SEPTIN9: variants seen among roughly 807,000 people sequenced by gnomAD.
The protein encoded by SEPTIN9 is septin-9.
SEPTIN9 carries 13 observed loss-of-function variants against 56.6 expected under a neutral mutation model. The ratio of observed to expected loss-of-function variants is 0.23; its 90% CI spans 0.15 to 0.37. The LOEUF (loss-of-function observed/expected upper bound fraction) is 0.37, where lower values mean the gene tolerates loss of function less well. Ranked by LOEUF, SEPTIN9 falls within the 10% of genes least tolerant of loss-of-function variation. SEPTIN9 has a pLI of 1.00. For synonymous variants in SEPTIN9, 332 were observed against 334.1 expected, an observed-to-expected ratio of 0.99 and a Z score of 0.07; for missense variants, 650 against 823.1, an observed-to-expected ratio of 0.79 and a Z score of 2.57.
Position 77,394,223 on chromosome 17 carries a change from G to C in SEPTIN9, c.77-7836G>C, listed in dbSNP as rs184106104. On this transcript the variant is annotated intron_variant, in intron 2 of 11. Transcript: ENST00000427177. ...TACACAGATCAGGGACCTGTGCCAA[G>C]GTCCAGTGTCACAGGAGAGTGAAGA... is the stretch of plus-strand genomic sequence containing the variant. Among the ~76,000 whole-genome samples, 523 of 152,282 alleles carry C rather than the reference G, an allele frequency of 3.4e-3. 5 individuals carry two copies. Among genetic ancestry groups the C allele is most frequent in the Non-Finnish European group, 3.8e-3 (256 of 68,002 alleles).
chr17:77,387,224 G>C (rs1359580735), intron 2 of SEPTIN9, among the ~76,000 whole-genome samples: 1 of 152,226 alleles, frequency 6.6e-6, no homozygotes, highest in African/African-American at 2.4e-5. Flanking sequence ...CTCCGGCCCA[G>C]GCCTCTCTCC....
At chr17:77,457,101 T>C (rs925608265) in intron 3 of SEPTIN9, among the ~76,000 whole-genome samples, 1 of 152,216 alleles carries the variant, frequency 6.6e-6, no homozygotes, top group Non-Finnish European at 1.5e-5. Flanking sequence ...CCCGGGGCTG[T>C]GTGCCTGGGA....
Position 77,402,174 on chromosome 17 carries a change from G to C in SEPTIN9, c.192G>C (p.Gln64His). 6.2e-7 allele frequency: 1 copy of C among 1,613,830 alleles called. No homozygotes were observed. The highest frequency in any genetic ancestry group is 8.5e-7 in the Non-Finnish European group (1 of 1,179,862). Reference protein sequence around the residue: ...ATVASSTQKFQDLGVKNSEPS... With the variant: ...ATVASSTQKFHDLGVKNSEPS... ...TGGCCAGCTCCACCCAGAAATTCCA[G>C]GACCTGGGCGTGAAGAACTCAGAAC... is the stretch of plus-strand genomic sequence containing the variant. The change falls in exon 3 of 12, where the codon CAG becomes CAC. Residue 64 changes from glutamine to histidine, a missense_variant. Physicochemically the swap from Gln to His is conservative, Grantham distance 24. Transcript: ENST00000427177. This position sits in a 1 kb window ranked among gnomAD's most constrained non-coding sequence, Gnocchi z 6.6.
intron 3 of SEPTIN9, among the ~76,000 whole-genome samples, chr17:77,432,981 T>C (rs1374670097): frequency 1.3e-5 from 2 of 152,162 alleles, no homozygotes; most frequent in Non-Finnish European, 2.9e-5. Flanking sequence ...CAGGCCCTCT[T>C]GGAGTCAGAG....
Position 77,319,934 on chromosome 17 carries a change from T to G in SEPTIN9, c.76+12737T>G. On this transcript the variant is annotated intron_variant, in intron 2 of 11. Coordinates refer to ENST00000427177, the MANE Select transcript of SEPTIN9 (RefSeq NM_001113491.2). This position sits in a 1 kb window ranked among gnomAD's most constrained non-coding sequence, Gnocchi z 5.3. ...TGCCGGAAGCCGCACTCGGGACCTC[T>G]GCAGCCACCGACCAGACCGGGCGGC... 8.7e-7 allele frequency: 1 copy of G among 1,145,084 alleles called. No individual in the cohort carries two copies. The highest frequency in any genetic ancestry group is 1.1e-6 in the Non-Finnish European group (1 of 928,562). The allele number at this position is 1,145,084 out of a possible 1,614,324, so 70.9% of individuals were successfully genotyped here. A position where few individuals can be genotyped will look rare whatever the true frequency, so the allele number is the denominator to read the frequency against.
intron 3 of SEPTIN9, among the ~76,000 whole-genome samples, chr17:77,404,187 C>A (rs1377453132): frequency 6.6e-6 from 1 of 152,202 alleles, no homozygotes; most frequent in Non-Finnish European, 1.5e-5. Flanking sequence ...GTTCCTCCAT[C>A]GGTGGACCCT....
chr17:77,391,679 G>T (rs1401392722), intron 2 of SEPTIN9, among the ~76,000 whole-genome samples: 1 of 152,178 alleles, frequency 6.6e-6, no homozygotes, highest in African/African-American at 2.4e-5. Context: ...ACCCAGAGTT[G>T]GTGCCAATGT....
At chr17:77,478,335 C>T (rs976710732) in intron 3 of SEPTIN9, among the ~76,000 whole-genome samples, 5 of 152,298 alleles carry the variant, frequency 3.3e-5, no homozygotes, top group South Asian at 4.1e-4. Flanking sequence ...CCTCAAAAAA[C>T]GAAAACTAGA....
intron 1 of SEPTIN9, among the ~76,000 whole-genome samples, chr17:77,295,856 C>A (rs939668317): frequency 6.6e-6 from 1 of 151,774 alleles, no homozygotes; most frequent in African/African-American, 2.4e-5. Context: ...CGCTGATGGA[C>A]CATATCTTCT....
At position 77,319,992 on chromosome 17, in the gene SEPTIN9, T is replaced by A. The variant is rs2032848509; in HGVS notation, c.76+12795T>A. 1.6e-6 allele frequency: 2 copies of A among 1,232,548 alleles called. No individual in the cohort carries two copies. The highest frequency in any genetic ancestry group is 2.0e-6 in the Non-Finnish European group (2 of 981,530). The allele number at this position is 1,232,548 out of a possible 1,614,324, so 76.4% of individuals were successfully genotyped here. A position where few individuals can be genotyped will look rare whatever the true frequency, so the allele number is the denominator to read the frequency against. The stretch of plus-strand genomic sequence containing the variant: ...CTGGGACTCTCGCAGGCAGACCCGG[T>A]GGTCTGCCGGACTCCTCGGGGCCCA... On this transcript the variant is annotated intron_variant, in intron 2 of 11. Transcript: ENST00000427177. This position sits in a 1 kb window ranked among gnomAD's most constrained non-coding sequence, Gnocchi z 5.3.
At chr17:77,406,527 A>G (rs1241485929) in intron 3 of SEPTIN9, among the ~76,000 whole-genome samples, 2 of 152,270 alleles carry the variant, frequency 1.3e-5, no homozygotes, top group African/African-American at 2.4e-5. Flanking sequence ...CAGGAAGTAC[A>G]GAAATGAGAA....
chr17:77,480,354 C>T (rs2039405948), intron 3 of SEPTIN9, among the ~76,000 whole-genome samples: 1 of 152,200 alleles, frequency 6.6e-6, no homozygotes, highest in Admixed American at 6.5e-5. Flanking sequence ...AGCCTCCCTC[C>T]GACACCCTCT....
chr17:77,291,425 G>A (rs2031548703), intron 1 of SEPTIN9, among the ~76,000 whole-genome samples: 1 of 151,522 alleles, frequency 6.6e-6, no homozygotes, highest in Non-Finnish European at 1.5e-5. Flanking sequence ...AGGAGGTCGG[G>A]AGTTCGAGAC....
At chr17:77,307,843 T>C (rs2032331010) in intron 2 of SEPTIN9, among the ~76,000 whole-genome samples, 1 of 152,158 alleles carries the variant, frequency 6.6e-6, no homozygotes, top group Admixed American at 6.5e-5. Flanking sequence ...GGGTGCAGCC[T>C]GGGCAAGGGA....
Position 77,475,976 on chromosome 17 carries a change from G to A in SEPTIN9, c.722-6168G>A. The A allele has an allele frequency of 1.3e-6, 2 of 1,482,422 alleles. No homozygotes were observed. 91.8% of individuals were successfully genotyped at this position (1,482,422 alleles called of 1,614,324 possible). A position where few individuals can be genotyped will look rare whatever the true frequency, so the allele number is the denominator to read the frequency against. On this transcript the variant is annotated intron_variant, in intron 3 of 11. Coordinates refer to ENST00000427177, the MANE Select transcript of SEPTIN9 (RefSeq NM_001113491.2). This position sits in a 1 kb window ranked among gnomAD's most constrained non-coding sequence, Gnocchi z 4.6. ...TGGGTTGGGTTTGGGGAAGACAGGGGAATGGCATTGACTTGACCCTGAGCA... is the reference window on the plus strand; with the variant it reads ...TGGGTTGGGTTTGGGGAAGACAGGGAAATGGCATTGACTTGACCCTGAGCA...
chr17:77,288,286 G>A lies in SEPTIN9; in HGVS notation c.19+6732G>A, dbSNP rs951361933. The A allele has an allele frequency of 5.5e-6, 5 of 910,990 alleles. No individual in the cohort carries two copies. In the South Asian group the frequency reaches 2.1e-4, roughly 38 times the overall value. 56.4% of individuals were successfully genotyped at this position (910,990 alleles called of 1,614,324 possible). A position where few individuals can be genotyped will look rare whatever the true frequency, so the allele number is the denominator to read the frequency against. ...GTGACGAGGCCTGCGCCATGGCCGG[G>A]GCCCTCTGCTTTTCCCAGCGCTGCA... is the stretch of plus-strand genomic sequence containing the variant. On this transcript the variant is annotated intron_variant, in intron 1 of 11. Coordinates refer to ENST00000427177, the MANE Select transcript of SEPTIN9 (RefSeq NM_001113491.2).
At chr17:77,304,968 C>T (rs909044528) in intron 1 of SEPTIN9, among the ~76,000 whole-genome samples, 7 of 152,062 alleles carry the variant, frequency 4.6e-5, no homozygotes, top group East Asian at 1.9e-4. Flanking sequence ...TCCTCCTCCC[C>T]GCTCCTCTCC....
At chr17:77,351,872 GC>G (rs1568008659) in intron 2 of SEPTIN9, among the ~76,000 whole-genome samples, 1 of 152,250 alleles carries the variant, frequency 6.6e-6, no homozygotes, top group Non-Finnish European at 1.5e-5. Context: ...CCACACAGGG[GC>G]CCCGACATGG....
rs946438089 is a variant in SEPTIN9, at chr17:77,445,373, A to G, written c.722-36771A>G. 6.4e-6 allele frequency: 3 copies of G among 465,940 alleles called. No homozygotes were observed. Among genetic ancestry groups the G allele is most frequent in the Non-Finnish European group, 1.3e-5 (3 of 227,054 alleles). The allele number at this position is 465,940 out of a possible 1,614,324, so 28.9% of individuals were successfully genotyped here. Reference sequence around the variant, plus strand: ...GCATTTGATGGGAAGCATCTGCTGCATCCCATTGGGGTGTTGCCCAGGATG... The same window carrying G: ...GCATTTGATGGGAAGCATCTGCTGCGTCCCATTGGGGTGTTGCCCAGGATG... On this transcript the variant is annotated intron_variant, in intron 3 of 11. Coordinates refer to ENST00000427177, the MANE Select transcript of SEPTIN9 (RefSeq NM_001113491.2). The surrounding 1 kb of genome is among the most constrained non-coding windows in gnomAD (Gnocchi z 4.7).
Sources: allele counts gnomAD v4.1 joint callset (sites outside exome capture counted in the v4.1 genomes callset), GRCh38; gene constraint gnomAD v4.1.1; non-coding constraint Gnocchi (gnomAD v3.1); transcripts MANE v1.5; gene names NCBI Gene and HGNC (gene_info 2026-07-23, HGNC 2026-07-21).